CORO2B: variants seen among roughly 807,000 people sequenced by gnomAD.
CORO2B encodes coronin-2B.
Under a neutral mutation model 58.8 loss-of-function variants are expected in CORO2B, and 26 were observed. The ratio of observed to expected loss-of-function variants is 0.44; its 90% confidence interval spans 0.32 to 0.61. The LOEUF (loss-of-function observed/expected upper bound fraction) is 0.61. CORO2B is among the 20% of genes least tolerant of loss of function. The pLI is 0.04. For synonymous variants in CORO2B, 242 were observed against 253.8 expected (o/e 0.95, Z 0.44); for missense variants, 460 against 645.1 (o/e 0.71, Z 3.11).
At chr15:68,682,246 A>G (rs771416490) in intron 2 of CORO2B, among the ~76,000 whole-genome samples, 9 of 152,214 alleles carry the variant, frequency 5.9e-5, no homozygotes, top group Non-Finnish European at 1.0e-4. Context: ...GAGTTGCACA[A>G]GGAAAGTAAT....
the CORO2B span, among the ~76,000 whole-genome samples, chr15:68,548,434 G>A: frequency 2.6e-4 from 39 of 152,044 alleles, no homozygotes; most frequent in Non-Finnish European, 4.3e-4. Context: ...AAACACTCCC[G>A]CCATGACTGA....
chr15:68,639,676 TCTTGAAC>T (rs1379339048), intron 1 of CORO2B, among the ~76,000 whole-genome samples: 3 of 152,126 alleles, frequency 2.0e-5, no homozygotes, highest in Non-Finnish European at 4.4e-5. Context: ...TCCACCTAAA[TCTTGAAC>T]CCCCCCAGGG....
chr15:68,604,938 A>T (rs1416991340), intron 1 of CORO2B, among the ~76,000 whole-genome samples: 1 of 152,060 alleles, frequency 6.6e-6, no homozygotes, highest in Non-Finnish European at 1.5e-5. Flanking sequence ...ACATAGTGAA[A>T]CCCTGTGTCT....
rs1022288814 is a variant in CORO2B at position 68,618,319 on chromosome 15, C to T, written c.16-26841C>T. On this transcript the variant is annotated intron_variant, in intron 1 of 11. Transcript: ENST00000261861. ...TCCAGTGTGAGAAACATGGGTTGAG[C>T]GTTGCATATATTACACATGTTGTAT... 1.2e-4 allele frequency among the ~76,000 whole-genome samples: 18 copies of T among 152,214 alleles called. No homozygotes were observed. The South Asian group carries it at 1.2e-3, about 11-fold the overall frequency.
intron 2 of CORO2B, among the ~76,000 whole-genome samples, chr15:68,672,784 G>A (rs1902446328): frequency 6.6e-6 from 1 of 152,130 alleles, no homozygotes; most frequent in African/African-American, 2.4e-5. Flanking sequence ...GGCCCCTTAG[G>A]TTATGAGGCA....
At chr15:68,709,666 A>G (rs141234542) in intron 3 of CORO2B, among the ~76,000 whole-genome samples, 4 of 151,992 alleles carry the variant, frequency 2.6e-5, no homozygotes, top group Non-Finnish European at 5.9e-5. Flanking sequence ...TGTGTTGCTC[A>G]TGCTGAAAGA....
chr15:68,691,063 C>T lies in CORO2B; in HGVS notation c.217-4077C>T, dbSNP rs143571504. 2.9e-3 allele frequency among the ~76,000 whole-genome samples: 439 copies of T among 151,872 alleles called. 14 individuals are homozygous for T. The East Asian group carries it at 0.076, about 26-fold the overall frequency. On this transcript the variant is annotated intron_variant, in intron 2 of 11. Coordinates refer to ENST00000261861, the MANE Select transcript of CORO2B (RefSeq NM_006091.5). ...ACTGGTTTTCGGCCAGGTGCGGTGG[C>T]TCACGCCTGTAATCCCAGCACTTTG...
intron 1 of CORO2B, among the ~76,000 whole-genome samples, chr15:68,625,491 T>TC (rs925614692): frequency 6.6e-6 from 1 of 152,184 alleles, no homozygotes; most frequent in African/African-American, 2.4e-5. Flanking sequence ...TCATCCGTGT[T>TC]CCATCTGTAG....
chr15:68,589,211 G>A lies in CORO2B; in HGVS notation c.15+9934G>A, dbSNP rs563036894. Among the ~76,000 whole-genome samples, 5 of 152,302 alleles carry A rather than the reference G, an allele frequency of 3.3e-5. No homozygotes were observed. In the East Asian group the frequency reaches 7.7e-4, roughly 24 times the overall value. ...TGATCCCTGGTATACCAGCCAGCAG[G>A]TAAAGGCCTAATGTGCCTTGTTTGC... On this transcript the variant is annotated intron_variant, in intron 1 of 11. Transcript: ENST00000261861.
At chr15:68,555,340 G>A in the CORO2B span, among the ~76,000 whole-genome samples, 1 of 152,176 alleles carries the variant, frequency 6.6e-6, no homozygotes, top group African/African-American at 2.4e-5. Flanking sequence ...TCCAGTCCAG[G>A]TCTCTTCTTT....
At chr15:68,711,960 C>G (rs1225363397) in intron 5 of CORO2B, among the ~76,000 whole-genome samples, 1 of 152,140 alleles carries the variant, frequency 6.6e-6, no homozygotes, top group Admixed American at 6.5e-5. Flanking sequence ...ATTCTTCTGG[C>G]TTGCTCTGGG....
At chr15:68,632,297 T>A in intron 1 of CORO2B, 1 of 985,520 alleles carries the variant, frequency 1.0e-6, no homozygotes. Context: ...GATACAAGTT[T>A]GTTTCCTCTG....
chr15:68,658,824 C>T (rs990930423), intron 2 of CORO2B, among the ~76,000 whole-genome samples: 1 of 152,222 alleles, frequency 6.6e-6, no homozygotes, highest in Non-Finnish European at 1.5e-5. Flanking sequence ...GTGAACTGCT[C>T]CCGCTGATCA....
rs937401704 is a variant in CORO2B, at chr15:68,710,940, G to A, written c.483+59G>A. 1 of 1,513,658 alleles carries A rather than the reference G, an allele frequency of 6.6e-7. No homozygotes were observed. Among genetic ancestry groups the A allele is most frequent in the East Asian group, 2.4e-5 (1 of 42,448 alleles). The allele number at this position is 1,513,658 out of a possible 1,614,324, so 93.8% of individuals were successfully genotyped here. ...ATTGGGGAAGAGAAAGGGGCCTTTT[G>A]GGTACCCGTAGGAAGCACTGTTGCT... On this transcript the variant is annotated intron_variant, in intron 4 of 11. Transcript: ENST00000261861. The surrounding 1 kb of genome is among the most constrained non-coding windows in gnomAD (Gnocchi z 4.1).
chr15:68,704,232 C>A (rs115659377), intron 3 of CORO2B, among the ~76,000 whole-genome samples: 1 of 149,256 alleles, frequency 6.7e-6, no homozygotes, highest in Non-Finnish European at 1.5e-5. Context: ...AGAGCAAGAC[C>A]GTGTCTGAAA....
intron 1 of CORO2B, among the ~76,000 whole-genome samples, chr15:68,635,089 C>A (rs540370563): frequency 6.6e-6 from 1 of 152,296 alleles, no homozygotes; most frequent in Non-Finnish European, 1.5e-5. Flanking sequence ...ACCTGGGGCT[C>A]GCACTCCAAG....
At chr15:68,600,262 G>A (rs372156134) in intron 1 of CORO2B, among the ~76,000 whole-genome samples, 20 of 152,122 alleles carry the variant, frequency 1.3e-4, no homozygotes, top group Admixed American at 1.3e-3. Flanking sequence ...GCACTCCTCC[G>A]TGGAGGCCTG....
intron 1 of CORO2B, among the ~76,000 whole-genome samples, chr15:68,611,971 A>G (rs573803949): frequency 1.3e-5 from 2 of 152,006 alleles, no homozygotes; most frequent in East Asian, 1.9e-4. Context: ...GGGTCTTGCT[A>G]TGTTGCCCAG....
At chr15:68,555,739 G>A in the CORO2B span, among the ~76,000 whole-genome samples, 4 of 152,246 alleles carry the variant, frequency 2.6e-5, no homozygotes, top group East Asian at 1.9e-4. Context: ...CACATTCCCC[G>A]TGGAGAACTC....
Sources: allele counts gnomAD v4.1 joint callset (sites outside exome capture counted in the v4.1 genomes callset), GRCh38; gene constraint gnomAD v4.1.1; non-coding constraint Gnocchi (gnomAD v3.1); transcripts MANE v1.5; gene names NCBI Gene and HGNC (gene_info 2026-07-23, HGNC 2026-07-21).